The following CSMD3 variants were observed in gnomAD, a reference collection of about 807,000 sequenced individuals.
CSMD3 encodes CUB and Sushi multiple domains 3.
In CSMD3, 177 loss-of-function variants were observed where a neutral mutation model predicts 435.2. The observed-to-expected ratio is 0.41, with a 90% CI of 0.36 to 0.46. The LOEUF (loss-of-function observed/expected upper bound fraction) is 0.46. Ranked by LOEUF, CSMD3 falls within the 20% of genes least tolerant of loss-of-function variation. The probability of loss-of-function intolerance (pLI) is 0.34; values close to 1 mark genes in which losing one functional copy is unlikely to be tolerated. For missense variants in CSMD3, 4,265 were observed against 4,504.6 expected, an observed-to-expected ratio of 0.95 and a Z score of 1.52; for synonymous variants, 1,656 against 1,520.5, an observed-to-expected ratio of 1.09 and a Z score of -2.07.
At chr8:112,959,196 T>C (rs1464255292) in intron 7 of CSMD3, among the ~76,000 whole-genome samples, 3 of 152,086 alleles carry the variant, frequency 2.0e-5, no homozygotes, top group African/African-American at 7.2e-5. Context: ...AGCAGAACAT[T>C]GTTTTAATTA....
chr8:112,295,774 A>G, intron 54 of CSMD3, 59 bp downstream of exon 54: 1 of 1,478,228 alleles, frequency 6.8e-7, no homozygotes, highest in Non-Finnish European at 9.4e-7. Flanking sequence ...TTGCCTAACA[A>G]AAACTAGAAT....
intron 10 of CSMD3, among the ~76,000 whole-genome samples, chr8:112,904,126 G>A (rs1281527249): frequency 6.6e-6 from 1 of 151,196 alleles, no homozygotes; most frequent in Non-Finnish European, 1.5e-5. Context: ...GTCCTTATGT[G>A]GAAAATAGAT....
At chr8:112,427,884 C>G (rs772054723) in intron 32 of CSMD3, among the ~76,000 whole-genome samples, 2 of 152,120 alleles carry the variant, frequency 1.3e-5, no homozygotes, top group Non-Finnish European at 2.9e-5. Context: ...AAGTAAAGTT[C>G]CTGTGTACAA....
intron 22 of CSMD3, among the ~76,000 whole-genome samples, 161 bp downstream of exon 22, chr8:112,636,656 T>G (rs1269315507): frequency 2.0e-5 from 3 of 152,060 alleles, no homozygotes; most frequent in Non-Finnish European, 2.9e-5. Context: ...GTAGAGAAGT[T>G]AATTCAGTTA....
At chr8:112,377,988 T>G (rs1228237348) in intron 38 of CSMD3, among the ~76,000 whole-genome samples, 1 of 151,950 alleles carries the variant, frequency 6.6e-6, no homozygotes, top group Non-Finnish European at 1.5e-5. Context: ...CTACTGGAAG[T>G]CCTAGCCAGA....
At chr8:113,059,298 G>C (rs896207455) in intron 5 of CSMD3, among the ~76,000 whole-genome samples, 2 of 152,048 alleles carry the variant, frequency 1.3e-5, no homozygotes, top group Non-Finnish European at 2.9e-5. Context: ...CACTAATCTA[G>C]CACCTGGAAA....
intron 3 of CSMD3, among the ~76,000 whole-genome samples, chr8:113,249,848 A>C (rs545417184): frequency 2.0e-4 from 30 of 152,164 alleles, no homozygotes; most frequent in Admixed American, 2.0e-3. Context: ...GAAAAAAAAA[A>C]ACAACAATTT....
At chr8:113,253,405 T>C (rs971009984) in intron 3 of CSMD3, among the ~76,000 whole-genome samples, 1 of 151,960 alleles carries the variant, frequency 6.6e-6, no homozygotes, top group Non-Finnish European at 1.5e-5. Flanking sequence ...CAGGCCCCGG[T>C]GTGTGATGTT....
At chr8:113,149,705 T>A (rs1354693341) in intron 4 of CSMD3, among the ~76,000 whole-genome samples, 1 of 151,936 alleles carries the variant, frequency 6.6e-6, no homozygotes, top group Non-Finnish European at 1.5e-5. Flanking sequence ...AAAATATAAT[T>A]TAACTATTTA....
chr8:113,091,502 T>C (rs1167448426), intron 5 of CSMD3, among the ~76,000 whole-genome samples: 2 of 151,978 alleles, frequency 1.3e-5, no homozygotes, highest in Non-Finnish European at 2.9e-5. Flanking sequence ...TCTTGGTAGG[T>C]TGTATGTGTC....
Position 113,360,593 on chromosome 8 carries a change from A to T in CSMD3, c.179-45800T>A, listed in dbSNP as rs1335325340. ...GTCTTTTTTTTTTTTTTTTTTTTTG[A>T]GACGGAGTCTCGCTCTGTCGCCCAG... On this transcript the variant is annotated intron_variant, in intron 1 of 70. Transcript: ENST00000297405. Among the ~76,000 whole-genome samples, 203 of 58,364 alleles carry T rather than the reference A, an allele frequency of 3.5e-3. 4 individuals are homozygous for T. The Admixed American group carries it at 0.044, about 13-fold the overall frequency. The allele number at this position is 58,364 out of a possible 152,430, so 38.3% of individuals were successfully genotyped here.
intron 1 of CSMD3, among the ~76,000 whole-genome samples, chr8:113,362,623 G>C (rs868437658): frequency 6.6e-6 from 1 of 152,168 alleles, no homozygotes; most frequent in Non-Finnish European, 1.5e-5. Context: ...TTCCCACTCA[G>C]TATTTCCACC....
chr8:112,377,578 T>C (rs1829062349), intron 38 of CSMD3, among the ~76,000 whole-genome samples: 1 of 152,126 alleles, frequency 6.6e-6, no homozygotes, highest in Non-Finnish European at 1.5e-5. Context: ...CTTTTGAATA[T>C]GGATGCAAAA....
chr8:113,281,654 A>C (rs2093613835), intron 2 of CSMD3, among the ~76,000 whole-genome samples: 1 of 151,934 alleles, frequency 6.6e-6, no homozygotes. Context: ...GGCCATTTAC[A>C]TTCAATGTTA....
At chr8:113,278,526 CCT>C in intron 3 of CSMD3, 64 bp downstream of exon 3, 1 of 777,814 alleles carries the variant, frequency 1.3e-6, no homozygotes, top group Non-Finnish European at 2.4e-6. Flanking sequence ...ATTCTTCTTT[CCT>C]ACTTGAAAAA....
chr8:112,531,093 GACAA>G (rs1467778166), intron 27 of CSMD3, among the ~76,000 whole-genome samples: 1 of 152,078 alleles, frequency 6.6e-6, no homozygotes, highest in Non-Finnish European at 1.5e-5. Flanking sequence ...ACAGTGCAGA[GACAA>G]ACAGAGAGAC....
intron 36 of CSMD3, among the ~76,000 whole-genome samples, chr8:112,386,664 A>AT (rs1829993376): frequency 6.6e-6 from 1 of 151,902 alleles, no homozygotes; most frequent in Admixed American, 6.6e-5. Flanking sequence ...CGCCCGGCTA[A>AT]TTTTTTGTAT....
At chr8:113,136,143 T>C (rs1247390465) in intron 4 of CSMD3, among the ~76,000 whole-genome samples, 1 of 151,780 alleles carries the variant, frequency 6.6e-6, no homozygotes, top group East Asian at 1.9e-4. Flanking sequence ...AAACAAGGAA[T>C]GGTCAAGTGT....
chr8:112,401,463 T>C (rs1831337688), intron 35 of CSMD3, among the ~76,000 whole-genome samples: 1 of 152,148 alleles, frequency 6.6e-6, no homozygotes, highest in Non-Finnish European at 1.5e-5. Flanking sequence ...TTGGATAATG[T>C]GATGTTTAAA....
Sources: allele counts gnomAD v4.1 joint callset (sites outside exome capture counted in the v4.1 genomes callset), GRCh38; gene constraint gnomAD v4.1.1; transcripts MANE v1.5; gene names NCBI Gene and HGNC (gene_info 2026-07-23, HGNC 2026-07-21).